The following PCDHGA5 variants were observed in gnomAD, a reference collection of about 807,000 sequenced individuals.
PCDHGA5 encodes protocadherin gamma-A5.
PCDHGA5 carries 36 observed loss-of-function variants against 56.7 expected under a neutral mutation model. The ratio of observed to expected loss-of-function variants is 0.64; its 90% CI spans 0.49 to 0.84. The LOEUF (loss-of-function observed/expected upper bound fraction) is 0.84. PCDHGA5 is among the 40% of genes least tolerant of loss of function. The probability of loss-of-function intolerance (pLI) is 0.00; values close to 1 mark genes in which losing one functional copy is unlikely to be tolerated. For missense variants in PCDHGA5, 1,305 were observed against 1,201.5 expected, an observed-to-expected ratio of 1.09 and a Z score of -1.27; for synonymous variants, 563 against 520.2, an observed-to-expected ratio of 1.08 and a Z score of -1.12.
chr5:141,478,623 G>A, intron 1 of PCDHGA5: 2 of 1,554,358 alleles, frequency 1.3e-6, no homozygotes, highest in Non-Finnish European at 1.7e-6. Flanking sequence ...GAATGGAGCT[G>A]TTTTTTTAGT....
At chr5:141,465,657 G>T (rs904553709) in intron 1 of PCDHGA5, among the ~76,000 whole-genome samples, 2 of 152,130 alleles carry the variant, frequency 1.3e-5, no homozygotes, top group Non-Finnish European at 2.9e-5. Context: ...CCAAAAAAGC[G>T]CTTGCCATGA....
In PCDHGA5 at chr5:141,432,776, G is replaced by C. The variant is rs975435403; in HGVS notation, c.2422-62031G>C. 1.9e-6 allele frequency: 3 copies of C among 1,614,172 alleles called. No homozygotes were observed. In the African/African-American group the frequency reaches 4.0e-5, roughly 22 times the overall value. ...GGCCGACAGCATCCCCCAAGTCCTG[G>C]CGGACCTCGGCAGCCTCGAGTCTCC... On this transcript the variant is annotated intron_variant, in intron 1 of 3. Transcript: ENST00000518069. This position sits in a 1 kb window ranked among gnomAD's most constrained non-coding sequence, Gnocchi z 6.0.
intron 1 of PCDHGA5, chr5:141,478,664 C>T (rs2099470287): frequency 1.3e-6 from 2 of 1,551,788 alleles, no homozygotes; most frequent in Non-Finnish European, 1.7e-6. Context: ...GATGCATTCA[C>T]ACTTTCAACT....
intron 1 of PCDHGA5, chr5:141,440,761 C>T (rs2098198732): frequency 6.6e-6 from 1 of 152,172 alleles, no homozygotes; most frequent in African/African-American, 2.4e-5. Context: ...GCAGAGCTCC[C>T]ATCCCTTAGT....
chr5:141,396,962 T>C (rs2150689685), intron 1 of PCDHGA5, among the ~76,000 whole-genome samples: 1 of 152,308 alleles, frequency 6.6e-6, no homozygotes, highest in South Asian at 2.1e-4. Flanking sequence ...ATCCTTACTC[T>C]CCCTAAAAAT....
At position 141,364,301 on chromosome 5, in the gene PCDHGA5, A is replaced by G. The variant is rs377380787; in HGVS notation, c.-30A>G. ...TAAGGAAACAGCAGGCTGAACCAGAACTAAGAGAAAATTGGGCAGAGAGAA... is the reference window on the plus strand; with the variant it reads ...TAAGGAAACAGCAGGCTGAACCAGAGCTAAGAGAAAATTGGGCAGAGAGAA... On this transcript the variant is annotated 5_prime_UTR_variant, in exon 1 of 4. Coordinates refer to ENST00000518069, the MANE Select transcript of PCDHGA5 (RefSeq NM_018918.3). 5 of 1,521,982 alleles carry G rather than the reference A, an allele frequency of 3.3e-6. No homozygotes were observed. In the African/African-American group the frequency reaches 5.6e-5, roughly 17 times the overall value. The allele number at this position is 1,521,982 out of a possible 1,614,324, so 94.3% of individuals were successfully genotyped here. A position where few individuals can be genotyped will look rare whatever the true frequency, so the allele number is the denominator to read the frequency against.
chr5:141,370,343 T>G (rs1460750317), intron 1 of PCDHGA5: 1 of 1,482,818 alleles, frequency 6.7e-7, no homozygotes, highest in African/African-American at 1.4e-5. Context: ...CTTGGGATTA[T>G]TTAAAGATCT....
chr5:141,490,445 A>G lies in PCDHGA5; in HGVS notation c.2422-4362A>G, dbSNP rs2099700298. 6.2e-7 allele frequency: 1 copy of G among 1,614,022 alleles called. No individual in the cohort carries two copies. The highest frequency in any genetic ancestry group is 8.5e-7 in the Non-Finnish European group (1 of 1,180,030). ...CCATTTCAGATTAAGCCTTCTGAGA[A>G]CCACTACTCGCTGCTAACCAGCCAG... On this transcript the variant is annotated intron_variant, in intron 1 of 3. Coordinates refer to ENST00000518069, the MANE Select transcript of PCDHGA5 (RefSeq NM_018918.3). The surrounding 1 kb of genome is among the most constrained non-coding windows in gnomAD (Gnocchi z 5.4).
Position 141,477,952 on chromosome 5 carries a change from A to T in PCDHGA5, c.2422-16855A>T, listed in dbSNP as rs907708638. ...CCTGGCTCTCCTACAGTCTCTTGGG[A>T]TCCCCTAACCAGAGCCTTTTTGCCA... On this transcript the variant is annotated intron_variant, in intron 1 of 3. Coordinates refer to ENST00000518069, the MANE Select transcript of PCDHGA5 (RefSeq NM_018918.3). This position sits in a 1 kb window ranked among gnomAD's most constrained non-coding sequence, Gnocchi z 4.9. The T allele has an allele frequency of 1.9e-6, 3 of 1,613,920 alleles. No individual in the cohort carries two copies. The African/African-American group carries it at 4.0e-5, about 22-fold the overall frequency.
chr5:141,409,165 G>T (rs2095233723), intron 1 of PCDHGA5: 1 of 1,613,886 alleles, frequency 6.2e-7, no homozygotes, highest in Admixed American at 1.7e-5. Flanking sequence ...AAGTGGAAGC[G>T]AAGGACGGAG....
intron 1 of PCDHGA5, chr5:141,389,914 C>T (rs754458764): frequency 6.2e-7 from 1 of 1,613,956 alleles, no homozygotes; most frequent in South Asian, 1.1e-5. Flanking sequence ...ACTGACCGCC[C>T]CGACCCCTCT....
In PCDHGA5 at chr5:141,417,676, C is replaced by G. The variant is rs902104404; in HGVS notation, c.2421+50925C>G. The G allele has an allele frequency of 1.7e-5, 17 of 993,450 alleles. No individual in the cohort carries two copies. The African/African-American group carries it at 2.8e-4, about 16-fold the overall frequency. The allele number at this position is 993,450 out of a possible 1,614,324, so 61.5% of individuals were successfully genotyped here. ...AGCCTGGGATTCCCTGCGCAGCCAACAACAGAAAAGAAAACCAGCTCCCAC... is the reference window on the plus strand; with the variant it reads ...AGCCTGGGATTCCCTGCGCAGCCAAGAACAGAAAAGAAAACCAGCTCCCAC... On this transcript the variant is annotated intron_variant, in intron 1 of 3. Transcript: ENST00000518069.
At chr5:141,374,003 C>A in intron 1 of PCDHGA5, 1 of 1,320,442 alleles carries the variant, frequency 7.6e-7, no homozygotes. Context: ...GGACCTTCAC[C>A]GCTATTTCTG....
At chr5:141,383,583 C>A (rs1282205134) in intron 1 of PCDHGA5, 11 of 1,613,640 alleles carry the variant, frequency 6.8e-6, no homozygotes, top group Non-Finnish European at 9.3e-6. Context: ...CCGCCCACAT[C>A]CAGGTGACAG....
chr5:141,379,889 CTTTTTTTTTTTTTTTTT>C (rs70988800), intron 1 of PCDHGA5, among the ~76,000 whole-genome samples: 16 of 50,830 alleles, frequency 3.1e-4, no homozygotes, highest in East Asian at 2.5e-3. Flanking sequence ...GTGAAAGCCT[CTTTTTTTTTTTTTTTTT>C]TTTTTTTTTT....
At chr5:141,457,422 T>TC (rs1038085994) in intron 1 of PCDHGA5, among the ~76,000 whole-genome samples, 6 of 151,626 alleles carry the variant, frequency 4.0e-5, no homozygotes, top group African/African-American at 7.3e-5. Flanking sequence ...CATCCCTTTT[T>TC]CCCCCCCACC....
intron 1 of PCDHGA5, chr5:141,398,979 C>T (rs769465343): frequency 1.9e-6 from 3 of 1,613,778 alleles, no homozygotes; most frequent in African/African-American, 1.3e-5. Context: ...TCTACAGAAC[C>T]GGGCAAATCT....
intron 1 of PCDHGA5, chr5:141,402,822 C>G (rs1038768509): frequency 7.7e-7 from 1 of 1,302,260 alleles, no homozygotes; most frequent in African/African-American, 1.5e-5. Flanking sequence ...CAAACCTGCT[C>G]CCAGGCTGCA....
intron 1 of PCDHGA5, chr5:141,478,025 A>G (rs939969624): frequency 1.9e-6 from 3 of 1,614,146 alleles, no homozygotes; most frequent in Non-Finnish European, 2.5e-6. Flanking sequence ...AGTCCAAGAC[A>G]CAGATTCACC....
Sources: gnomAD v4.1 joint callset for allele counts (sites outside exome capture counted in the v4.1 genomes callset) on GRCh38, gnomAD v4.1.1 for gene constraint, Gnocchi (gnomAD v3.1) non-coding constraint, MANE v1.5 for transcripts, NCBI Gene and HGNC (gene_info 2026-07-23, HGNC 2026-07-21) for gene names.